ME2: variants seen among roughly 807,000 people sequenced by gnomAD.
ME2 encodes NAD-dependent malic enzyme, mitochondrial.
A neutral mutation model predicts 73.7 loss-of-function variants in ME2; 60 were observed. The observed-to-expected ratio is 0.81, with a 90% confidence interval of 0.66 to 1.01. ME2 has a LOEUF of 1.01. Ranked by LOEUF, ME2 falls within the 50% of genes least tolerant of loss-of-function variation. ME2 has a pLI of 0.00. For synonymous variants in ME2, 199 were observed against 236.9 expected (o/e 0.84, Z 1.47); for missense variants, 594 against 705.5 (o/e 0.84, Z 1.79).
At chr18:50,922,964 A>G (rs1213204775) in intron 10 of ME2, among the ~76,000 whole-genome samples, 4 of 152,222 alleles carry the variant, frequency 2.6e-5, no homozygotes, top group South Asian at 2.1e-4. Context: ...AAATAAGAAT[A>G]TGAGTTCTCA....
chr18:50,884,624 G>A (rs1255657904), intron 1 of ME2, among the ~76,000 whole-genome samples: 1 of 152,186 alleles, frequency 6.6e-6, no homozygotes, highest in Non-Finnish European at 1.5e-5. Context: ...GGGATTACAG[G>A]CGTGAGCCAC....
At chr18:50,935,210 A>C (rs192674000) in intron 13 of ME2, 1 of 152,280 alleles carries the variant, frequency 6.6e-6, no homozygotes. Flanking sequence ...TTATTTTTAT[A>C]AATTTTCAAG....
intron 1 of ME2, among the ~76,000 whole-genome samples, chr18:50,886,830 G>T (rs905334284): frequency 6.6e-6 from 1 of 151,884 alleles, no homozygotes; most frequent in African/African-American, 2.4e-5. Context: ...GAGAGACCCC[G>T]TCTCTACCAA....
chr18:50,895,614 G>A (rs886377662), intron 1 of ME2, among the ~76,000 whole-genome samples, 195 bp from the exon 2 acceptor site: 1 of 152,210 alleles, frequency 6.6e-6, no homozygotes, highest in Non-Finnish European at 1.5e-5. Context: ...GGTACTTAAA[G>A]AGTAGCAGTG....
At chr18:50,915,154 A>G (rs1917256683) in intron 4 of ME2, among the ~76,000 whole-genome samples, 1 of 151,920 alleles carries the variant, frequency 6.6e-6, no homozygotes, top group Non-Finnish European at 1.5e-5. Context: ...TTTTTTCTAG[A>G]TTACTTTATT....
intron 2 of ME2, among the ~76,000 whole-genome samples, chr18:50,905,564 G>C (rs1448765678): frequency 2.0e-5 from 3 of 152,166 alleles, no homozygotes; most frequent in Non-Finnish European, 4.4e-5. Flanking sequence ...GCACAGCTTG[G>C]TTTTGTACAT....
intron 10 of ME2, among the ~76,000 whole-genome samples, chr18:50,923,330 A>T (rs1917472277): frequency 6.6e-6 from 1 of 152,202 alleles, no homozygotes; most frequent in South Asian, 2.1e-4. Context: ...CAAACTAATA[A>T]GAAGCTCTTT....
intron 13 of ME2, 95 bp downstream of exon 13, chr18:50,932,455 A>G (rs1239539720): frequency 2.4e-6 from 2 of 831,712 alleles, no homozygotes; most frequent in Admixed American, 5.5e-5. Flanking sequence ...ACTGAGCAAC[A>G]GTATTACAGA....
chr18:50,892,511 T>A (rs919168742), intron 1 of ME2, among the ~76,000 whole-genome samples: 5 of 152,256 alleles, frequency 3.3e-5, no homozygotes, highest in Non-Finnish European at 7.3e-5. Context: ...TTTCTATCCA[T>A]ATATTTAGGA....
In ME2 at chr18:50,948,634, C is replaced by G. The variant is rs1918146743; in HGVS notation, c.*1450C>G. ...TCTCAGCTCACTGCAACCTCTGCCTCCCAGGTTCAAGCAGTTCTCCTGCCT... is the reference window on the plus strand; with the variant it reads ...TCTCAGCTCACTGCAACCTCTGCCTGCCAGGTTCAAGCAGTTCTCCTGCCT... On this transcript the variant is annotated 3_prime_UTR_variant, in exon 16 of 16. Transcript: ENST00000321341. 1 of 150,166 alleles carries G rather than the reference C, an allele frequency of 6.7e-6. No homozygotes were observed. Among genetic ancestry groups the G allele is most frequent in the African/African-American group, 2.5e-5 (1 of 40,724 alleles). 9.3% of individuals were successfully genotyped at this position (150,166 alleles called of 1,614,324 possible).
chr18:50,946,250 A>G (rs1056918492), intron 15 of ME2, among the ~76,000 whole-genome samples: 1 of 152,078 alleles, frequency 6.6e-6, no homozygotes, highest in Non-Finnish European at 1.5e-5. Context: ...GCTTATTCTC[A>G]CCACCAATCA....
At chr18:50,897,895 T>G (rs570352335) in intron 2 of ME2, among the ~76,000 whole-genome samples, 7 of 151,514 alleles carry the variant, frequency 4.6e-5, no homozygotes, top group African/African-American at 7.3e-5. Flanking sequence ...AAAAAAAGAA[T>G]GTCTAACATT....
rs1464195407 is a variant in ME2 at position 50,953,490 on chromosome 18, C to T, written c.*6306C>T. The T allele has an allele frequency of 6.6e-6, 1 of 152,178 alleles. No individual in the cohort carries two copies. Among genetic ancestry groups the T allele is most frequent in the Non-Finnish European group, 1.5e-5 (1 of 68,034 alleles). The allele number at this position is 152,178 out of a possible 1,614,324, so 9.4% of individuals were successfully genotyped here. A position where few individuals can be genotyped will look rare whatever the true frequency, so the allele number is the denominator to read the frequency against. The stretch of plus-strand genomic sequence containing the variant: ...AACGTCTTATTCATTTAGTCTTCAG[C>T]ATTTTAAGTATTCGACACGAACATT... On this transcript the variant is annotated 3_prime_UTR_variant, in exon 16 of 16. Coordinates refer to ENST00000321341, the MANE Select transcript of ME2 (RefSeq NM_002396.5).
At chr18:50,881,207 G>A (rs1011743674) in intron 1 of ME2, among the ~76,000 whole-genome samples, 1 of 151,908 alleles carries the variant, frequency 6.6e-6, no homozygotes, top group African/African-American at 2.4e-5. Context: ...TTGTGTGTGT[G>A]TGTATTTTGA....
chr18:50,906,717 T>C (rs1443268716), intron 2 of ME2, among the ~76,000 whole-genome samples: 1 of 152,230 alleles, frequency 6.6e-6, no homozygotes, highest in African/African-American at 2.4e-5. Flanking sequence ...CTTAAATGCT[T>C]GGAACTAGTA....
chr18:50,937,337 C>T (rs1917840861), intron 13 of ME2, among the ~76,000 whole-genome samples: 1 of 152,138 alleles, frequency 6.6e-6, no homozygotes, highest in Non-Finnish European at 1.5e-5. Context: ...AACAGTGTTT[C>T]TAGGCTGGGA....
chr18:50,912,597 A>G (rs1363830294), intron 3 of ME2, among the ~76,000 whole-genome samples: 3 of 152,282 alleles, frequency 2.0e-5, no homozygotes, highest in Non-Finnish European at 4.4e-5. Flanking sequence ...ATCATCATCT[A>G]CTATTTAAGT....
rs559534941 is a variant in ME2 at position 50,887,546 on chromosome 18, C to T, written c.-13+8238C>T. Among the ~76,000 whole-genome samples the T allele has an allele frequency of 3.9e-5, 6 of 152,346 alleles. No homozygotes were observed. The South Asian group carries it at 1.2e-3, about 32-fold the overall frequency. On this transcript the variant is annotated intron_variant, in intron 1 of 15. Transcript: ENST00000321341. ...TCTCCATAAATGAAGACTGTATCCTCACTGAGGTTGAGACGAGAATTAAAC... is the reference window on the plus strand; with the variant it reads ...TCTCCATAAATGAAGACTGTATCCTTACTGAGGTTGAGACGAGAATTAAAC...
Position 50,908,171 on chromosome 18 carries a change from A to G in ME2, c.217A>G (p.Lys73Glu). 7 of 1,602,796 alleles carry G rather than the reference A, an allele frequency of 4.4e-6. No individual in the cohort carries two copies. Among genetic ancestry groups the G allele is most frequent in the Non-Finnish European group, 6.0e-6 (7 of 1,176,152 alleles). Residue 73 changes from lysine (K) to glutamate (E), a missense_variant, in exon 3 of 16, where the codon AAG becomes GAG. Physicochemically the swap from Lys to Glu is moderately conservative, Grantham distance 56 (BLOSUM62 1). Transcript: ENST00000321341. Reference protein sequence around the residue: ...IQALRFHRNLKKMTSPLEKYI... With the variant: ...IQALRFHRNLEKMTSPLEKYI... ...AGCCTTACGATTTCATAGAAACTTG[A>G]AGAAAATGACTAGCCCTTTGGAAAA...
Sources: gnomAD v4.1 joint callset for allele counts (sites outside exome capture counted in the v4.1 genomes callset) on GRCh38, gnomAD v4.1.1 for gene constraint, MANE v1.5 for transcripts, NCBI Gene and HGNC (gene_info 2026-07-23, HGNC 2026-07-21) for gene names.